The following GTF3C3 variants were observed in gnomAD, a reference collection of about 807,000 sequenced individuals.
GTF3C3 encodes general transcription factor IIIC subunit 3.
GTF3C3 carries 75 observed loss-of-function variants against 105.2 expected under a neutral mutation model. The observed-to-expected ratio is 0.71, with a 90% CI of 0.59 to 0.86. The LOEUF is 0.86. Ranked by LOEUF, GTF3C3 falls within the 40% of genes least tolerant of loss-of-function variation. GTF3C3 has a pLI of 0.00. For synonymous variants in GTF3C3, 335 were observed against 370.4 expected (o/e 0.90, Z 1.10); for missense variants, 856 against 1,076.5 (o/e 0.80, Z 2.87).
intron 6 of GTF3C3, among the ~76,000 whole-genome samples, chr2:196,787,705 G>C (rs1167652223): frequency 6.6e-6 from 1 of 152,034 alleles, no homozygotes; most frequent in Non-Finnish European, 1.5e-5. Flanking sequence ...ATCAACATCT[G>C]ATGTACTATA....
chr2:196,785,066 G>A lies in GTF3C3; in HGVS notation c.1042-137C>T, dbSNP rs1699433987. 4.9e-6 allele frequency: 3 copies of A among 616,502 alleles called. No homozygotes were observed. The East Asian group carries it at 8.3e-5, about 17-fold the overall frequency. The allele number at this position is 616,502 out of a possible 1,614,324, so 38.2% of individuals were successfully genotyped here. A position where few individuals can be genotyped will look rare whatever the true frequency, so the allele number is the denominator to read the frequency against. The stretch of plus-strand genomic sequence containing the variant: ...AAAAGAAAGAGTCTTTTAAAAATGA[G>A]AAACCCTGTGACACATTAACATTTT... On this transcript the variant is annotated intron_variant, in intron 7 of 17. Transcript: ENST00000263956.
chr2:196,785,874 C>A (rs1367960109), intron 6 of GTF3C3, among the ~76,000 whole-genome samples: 1 of 152,148 alleles, frequency 6.6e-6, no homozygotes. Flanking sequence ...AACAGATCTA[C>A]AAAGCATAGG....
rs778649927 is a variant in GTF3C3, at chr2:196,773,079, A to T, written c.1906T>A (p.Leu636Ile). 1 of 1,613,140 alleles carries T rather than the reference A, an allele frequency of 6.2e-7. No individual in the cohort carries two copies. The highest frequency in any genetic ancestry group is 8.5e-7 in the Non-Finnish European group (1 of 1,179,124). The change falls in exon 14 of 18, where the codon TTA (leucine) becomes ATA (isoleucine). Residue 636 changes from leucine to isoleucine, a missense_variant. Physicochemically the swap from Leu to Ile is conservative, Grantham distance 5. Coordinates refer to ENST00000263956, the MANE Select transcript of GTF3C3 (RefSeq NM_012086.5). Reference sequence around the variant, plus strand: ...TCTTGAAATCGGGATAGGTCACATAAGGAGTATATGGCCTTCAACAGAAGA... The same window carrying T: ...TCTTGAAATCGGGATAGGTCACATATGGAGTATATGGCCTTCAACAGAAGA... ...WNLLLKAIYS[L>I]CDLSRFQEAE...
intron 16 of GTF3C3, among the ~76,000 whole-genome samples, chr2:196,769,416 G>C (rs1699130267): frequency 2.0e-5 from 3 of 152,168 alleles, no homozygotes; most frequent in Admixed American, 2.0e-4. Context: ...TTTCTGATCT[G>C]CTGGACTTTA....
chr2:196,779,468 G>A (rs528789943), intron 9 of GTF3C3, among the ~76,000 whole-genome samples: 1 of 152,036 alleles, frequency 6.6e-6, no homozygotes, highest in African/African-American at 2.4e-5. Context: ...TAAAAACAGC[G>A]TTATATGGTC....
At chr2:196,772,790 C>G (rs867546350) in intron 14 of GTF3C3, 126 bp downstream of exon 14, 2 of 593,850 alleles carry the variant, frequency 3.4e-6, no homozygotes, top group Non-Finnish European at 5.9e-6. Context: ...TATACTGCCT[C>G]TGGGAATCAC....
At chr2:196,768,500 A>G (rs966662727) in intron 16 of GTF3C3, among the ~76,000 whole-genome samples, 1 of 152,206 alleles carries the variant, frequency 6.6e-6, no homozygotes, top group Admixed American at 6.5e-5. Flanking sequence ...AAGGTAAGAA[A>G]GATAATAAAC....
chr2:196,798,316 G>A (rs1699681275), intron 1 of GTF3C3, among the ~76,000 whole-genome samples: 1 of 152,040 alleles, frequency 6.6e-6, no homozygotes, highest in Admixed American at 6.5e-5. Context: ...CTTGAGCTCA[G>A]GAGTTTGAGA....
intron 1 of GTF3C3, among the ~76,000 whole-genome samples, chr2:196,798,337 C>G (rs1427215239): frequency 6.6e-6 from 1 of 151,790 alleles, no homozygotes; most frequent in Non-Finnish European, 1.5e-5. Flanking sequence ...CCGGCCTGGG[C>G]AACATGAAGA....
chr2:196,792,893 A>C, intron 3 of GTF3C3, 63 bp downstream of exon 3: 1 of 1,055,974 alleles, frequency 9.5e-7, no homozygotes, highest in Admixed American at 2.0e-5. Flanking sequence ...TATAACTTAC[A>C]GACTTCAATT....
chr2:196,798,120 T>C (rs1699677544), intron 1 of GTF3C3, among the ~76,000 whole-genome samples: 1 of 152,212 alleles, frequency 6.6e-6, no homozygotes, highest in Non-Finnish European at 1.5e-5. Flanking sequence ...TAAATTTGAA[T>C]ACTGTCAAAG....
At chr2:196,789,835 T>C (rs1356512515) in intron 5 of GTF3C3, 44 bp downstream of exon 5, 18 of 1,202,284 alleles carry the variant, frequency 1.5e-5, no homozygotes, top group Non-Finnish European at 2.0e-5. Context: ...AAACCTATTA[T>C]GTAACAGCTT....
At chr2:196,784,390 T>C (rs1213051621) in intron 8 of GTF3C3, among the ~76,000 whole-genome samples, 1 of 152,200 alleles carries the variant, frequency 6.6e-6, no homozygotes, top group Non-Finnish European at 1.5e-5. Flanking sequence ...CACTTAGGTA[T>C]AACTTTCTAA....
chr2:196,796,088 T>C (rs1188176604), intron 2 of GTF3C3, among the ~76,000 whole-genome samples: 1 of 152,200 alleles, frequency 6.6e-6, no homozygotes, highest in Non-Finnish European at 1.5e-5. Context: ...AAAGGACAAC[T>C]AGTGACCATA....
rs763693178 is a variant in GTF3C3 at position 196,789,388 on chromosome 2, A to T, written c.728-19T>A. On this transcript the variant is annotated intron_variant, in intron 5 of 17. Transcript: ENST00000263956. Reference sequence around the variant, plus strand: ...TTAAGAGCTAAAAAGAAAGAAATACAAATTATTTACCACAAAAAGGGGTGC... The same window carrying T: ...TTAAGAGCTAAAAAGAAAGAAATACTAATTATTTACCACAAAAAGGGGTGC... 2.6e-6 allele frequency: 4 copies of T among 1,556,346 alleles called. No homozygotes were observed. Among genetic ancestry groups the T allele is most frequent in the Non-Finnish European group, 3.5e-6 (4 of 1,147,454 alleles).
Position 196,776,178 on chromosome 2 carries a change from T to A in GTF3C3, c.1594-67A>T. ...TTTTCTACAAATTGTTTTATTTGCATAGAAACATTTTTAAAAAAACAAACC... is the reference window on the plus strand; with the variant it reads ...TTTTCTACAAATTGTTTTATTTGCAAAGAAACATTTTTAAAAAAACAAACC... On this transcript the variant is annotated intron_variant, in intron 11 of 17. Transcript: ENST00000263956. The surrounding 1 kb of genome is among the most constrained non-coding windows in gnomAD (Gnocchi z 4.5). 3.3e-6 allele frequency: 3 copies of A among 899,340 alleles called. No individual in the cohort carries two copies. Among genetic ancestry groups the A allele is most frequent in the Non-Finnish European group, 5.2e-6 (3 of 576,714 alleles). 55.7% of individuals were successfully genotyped at this position (899,340 alleles called of 1,614,324 possible). A position where few individuals can be genotyped will look rare whatever the true frequency, so the allele number is the denominator to read the frequency against.
intron 13 of GTF3C3, among the ~76,000 whole-genome samples, 162 bp from the exon 14 acceptor site, chr2:196,773,315 A>ACACTC (rs1295300138): frequency 6.6e-6 from 1 of 152,212 alleles, no homozygotes; most frequent in Non-Finnish European, 1.5e-5. Context: ...TTGCTTGCTT[A>ACACTC]CACTCCTTCA....
Position 196,764,257 on chromosome 2 carries a change from G to A in GTF3C3, c.*306C>T, listed in dbSNP as rs1393743917. The A allele has an allele frequency of 4.9e-6, 1 of 203,982 alleles. No homozygotes were observed. The highest frequency in any genetic ancestry group is 5.4e-5 in the Admixed American group (1 of 18,526). 12.6% of individuals were successfully genotyped at this position (203,982 alleles called of 1,614,324 possible). ...TATTAAATACAAAGATGAATAAATG[G>A]TGTGAGTGAAAAATAGTGTATTCGA... On this transcript the variant is annotated 3_prime_UTR_variant, in exon 18 of 18. Transcript: ENST00000263956.
intron 16 of GTF3C3, 31 bp downstream of exon 16, chr2:196,769,884 A>C: frequency 2.5e-6 from 4 of 1,575,170 alleles, no homozygotes; most frequent in Non-Finnish European, 3.5e-6. Flanking sequence ...AGAAACATAA[A>C]ATCAAGTAAC....
Sources: allele counts gnomAD v4.1 joint callset (sites outside exome capture counted in the v4.1 genomes callset), GRCh38; gene constraint gnomAD v4.1.1; non-coding constraint Gnocchi (gnomAD v3.1); transcripts MANE v1.5; gene names NCBI Gene and HGNC (gene_info 2026-07-23, HGNC 2026-07-21).